The following ANGPTL2 variants were observed in gnomAD, a reference collection of about 807,000 sequenced individuals.
ANGPTL2 encodes angiopoietin like 2.
ANGPTL2 carries 25 observed loss-of-function variants against 52.8 expected under a neutral mutation model. The observed-to-expected ratio is 0.47, with a 90% CI of 0.35 to 0.66. The LOEUF is 0.66. Ranked by LOEUF, ANGPTL2 falls within the 30% of genes least tolerant of loss-of-function variation. ANGPTL2 has a pLI of 0.01. For synonymous variants in ANGPTL2, 276 were observed against 277.4 expected (o/e 1.00, Z 0.05); for missense variants, 546 against 656.9 (o/e 0.83, Z 1.84).
chr9:127,110,022 G>T (rs966898534), intron 1 of ANGPTL2, among the ~76,000 whole-genome samples: 52 of 152,200 alleles, frequency 3.4e-4, no homozygotes, highest in African/African-American at 1.2e-3. Flanking sequence ...TAATCATACG[G>T]TTTTTTCTCT....
chr9:127,098,477 C>T (rs892783074), intron 2 of ANGPTL2, among the ~76,000 whole-genome samples: 2 of 152,122 alleles, frequency 1.3e-5, no homozygotes, highest in African/African-American at 2.4e-5. Flanking sequence ...AATGCAGCCC[C>T]GTGGCTGAGC....
intron 2 of ANGPTL2, among the ~76,000 whole-genome samples, chr9:127,101,688 TG>T (rs2053745813): frequency 6.6e-6 from 1 of 152,198 alleles, no homozygotes; most frequent in Non-Finnish European, 1.5e-5. Flanking sequence ...CTGGACAGTT[TG>T]TAGTGGTCTC....
chr9:127,111,196 C>T (rs1053685934), intron 1 of ANGPTL2, among the ~76,000 whole-genome samples: 19 of 152,198 alleles, frequency 1.2e-4, no homozygotes, highest in African/African-American at 4.3e-4. Flanking sequence ...TTGCTGGTCC[C>T]TGCCCCCTTC....
chr9:127,090,371 C>T (rs1167161641), intron 4 of ANGPTL2, among the ~76,000 whole-genome samples: 1 of 152,266 alleles, frequency 6.6e-6, no homozygotes, highest in African/African-American at 2.4e-5. Context: ...TCCTTCTGCC[C>T]TGCTCTTCTA....
At chr9:127,111,968 A>T (rs2054859780) in intron 1 of ANGPTL2, among the ~76,000 whole-genome samples, 1 of 152,242 alleles carries the variant, frequency 6.6e-6, no homozygotes, top group Non-Finnish European at 1.5e-5. Flanking sequence ...ATGACACAGG[A>T]CCTAAAGATT....
chr9:127,095,432 A>G (rs959198183), intron 2 of ANGPTL2, among the ~76,000 whole-genome samples: 3 of 152,188 alleles, frequency 2.0e-5, no homozygotes, highest in Non-Finnish European at 2.9e-5. Flanking sequence ...AATCCCCACA[A>G]TGAGACTGGT....
chr9:127,120,741 T>A (rs900149603), intron 1 of ANGPTL2, among the ~76,000 whole-genome samples: 12 of 150,934 alleles, frequency 8.0e-5, no homozygotes, highest in African/African-American at 1.2e-4. Context: ...GGCAGGAGAA[T>A]GGCGTGAACC....
chr9:127,117,510 G>A (rs2055562671), intron 1 of ANGPTL2, among the ~76,000 whole-genome samples: 1 of 152,216 alleles, frequency 6.6e-6, no homozygotes, highest in African/African-American at 2.4e-5. Context: ...GGGGTCCACG[G>A]TAGTAGGTGA....
intron 1 of ANGPTL2, among the ~76,000 whole-genome samples, chr9:127,118,944 GA>G (rs2055748349): frequency 6.6e-6 from 1 of 152,240 alleles, no homozygotes. Context: ...CAGTGTGGGT[GA>G]TGAGGACCTG....
chr9:127,090,870 G>A (rs1020065953), intron 4 of ANGPTL2, among the ~76,000 whole-genome samples: 1 of 152,152 alleles, frequency 6.6e-6, no homozygotes, highest in Non-Finnish European at 1.5e-5. Context: ...TAACTGTGTG[G>A]GAGGCTGATA....
rs2053609051 is a variant in ANGPTL2 at position 127,100,484 on chromosome 9, G to T, written c.818-6558C>A. The stretch of plus-strand genomic sequence containing the variant: ...CTGTTGGGCAGGAGGAGAAACAGGG[G>T]CTTTAAAGACATTTTAAAAAAGAGT... On this transcript the variant is annotated intron_variant, in intron 2 of 4. Transcript: ENST00000373425. 2.0e-5 allele frequency among the ~76,000 whole-genome samples: 3 copies of T among 152,194 alleles called. No homozygotes were observed. In the South Asian group the frequency reaches 6.2e-4, roughly 31 times the overall value.
chr9:127,105,909 T>C (rs1361703225), intron 2 of ANGPTL2, among the ~76,000 whole-genome samples: 17 of 152,242 alleles, frequency 1.1e-4, no homozygotes. Flanking sequence ...CTTTACTACA[T>C]GACATAATGT....
chr9:127,121,471 A>C (rs2056077789), intron 1 of ANGPTL2, among the ~76,000 whole-genome samples: 1 of 152,248 alleles, frequency 6.6e-6, no homozygotes, highest in Non-Finnish European at 1.5e-5. Flanking sequence ...TTTCCAAGTA[A>C]CTGAACTGGC....
Position 127,108,234 on chromosome 9 carries a change from T to C in ANGPTL2, c.498A>G (p.Thr166=). 6.2e-7 allele frequency: 1 copy of C among 1,614,052 alleles called. No homozygotes were observed. Reference sequence around the variant, plus strand: ...TGCTGGCCAGCTGCAGCATGTCGGCTGTCTGGTTCAGGATCCTGTTCTCCA... The same window carrying C: ...TGCTGGCCAGCTGCAGCATGTCGGCCGTCTGGTTCAGGATCCTGTTCTCCA... ...SQLENRILNQ[T]ADMLQLASKY... is the part of the protein sequence containing the mutation. Residue 166 remains threonine, a synonymous_variant, in exon 2 of 5, where the codon ACA becomes ACG. Coordinates refer to ENST00000373425, the MANE Select transcript of ANGPTL2 (RefSeq NM_012098.3).
intron 1 of ANGPTL2, among the ~76,000 whole-genome samples, chr9:127,119,066 G>T (rs1447934448): frequency 6.6e-6 from 1 of 152,060 alleles, no homozygotes; most frequent in Admixed American, 6.5e-5. Context: ...CCCCCACTGA[G>T]CTGGGGACAG....
chr9:127,108,572 A>G lies in ANGPTL2; in HGVS notation c.160T>C (p.Cys54Arg). 6.2e-7 allele frequency: 1 copy of G among 1,613,500 alleles called. No individual in the cohort carries two copies. The highest frequency in any genetic ancestry group is 8.5e-7 in the Non-Finnish European group (1 of 1,179,852). ...TGGGGCACAATGAAGGTGTAGGTGCACTTGTCCTGGGACTCGCCCGCCCGC... is the reference window on the plus strand; with the variant it reads ...TGGGGCACAATGAAGGTGTAGGTGCGCTTGTCCTGGGACTCGCCCGCCCGC... Reference protein sequence around the residue: ...YKRAGESQDKCTYTFIVPQQR... With the variant: ...YKRAGESQDKRTYTFIVPQQR... The change falls in exon 2 of 5, where the codon TGC becomes CGC. Residue 54 changes from cysteine (C) to arginine (R), a missense_variant. Cys to Arg is a radical substitution (Grantham distance 180). This residue lies in a region of ANGPTL2 where 285 missense variants were observed against 295.8 expected (regional missense o/e 0.96). Coordinates refer to ENST00000373425, the MANE Select transcript of ANGPTL2 (RefSeq NM_012098.3).
rs771907086 is a variant in ANGPTL2, at chr9:127,089,060, C to T, written c.1361G>A (p.Arg454His). The part of the protein sequence containing the change: ...AHSNLNGVWY[R>H]GGHYRSRYQD... ...GTAGCGGCTCCGGTAATGGCCCCCG[C>T]GGTACCAGACCCCGTTGAGGTTGGA... The change falls in exon 5 of 5, where the codon CGC (arginine) becomes CAC (histidine). Residue 454 changes from arginine (R) to histidine (H), a missense_variant. Around this residue, in one of 2 missense-constraint regions of ANGPTL2, gnomAD observed 261 missense variants for 361.0 expected, o/e 0.72. Transcript: ENST00000373425. 32 of 1,614,066 alleles carry T rather than the reference C, an allele frequency of 2.0e-5. No individual in the cohort carries two copies. Among genetic ancestry groups the T allele is most frequent in the East Asian group, 4.5e-5 (2 of 44,898 alleles).
chr9:127,113,942 A>T (rs116782593), intron 1 of ANGPTL2, among the ~76,000 whole-genome samples: 1 of 152,232 alleles, frequency 6.6e-6, no homozygotes, highest in African/African-American at 2.4e-5. Flanking sequence ...TTTTCATCAG[A>T]TGGAGCTGTG....
At position 127,108,860 on chromosome 9, in the gene ANGPTL2, C is replaced by T. The variant is rs12684750; in HGVS notation, c.-49-80G>A. ...GTGCCATCAGTGATCCCAGCCTTCT[C>T]GCCAGGCAGGCAGAGCTTTCCAAAA... On this transcript the variant is annotated intron_variant, in intron 1 of 4. Coordinates refer to ENST00000373425, the MANE Select transcript of ANGPTL2 (RefSeq NM_012098.3). The T allele has an allele frequency of 3.4e-4, 358 of 1,056,692 alleles. 2 individuals are homozygous for T. In the East Asian group the frequency reaches 9.0e-3, roughly 27 times the overall value. The allele number at this position is 1,056,692 out of a possible 1,614,324, so 65.5% of individuals were successfully genotyped here.
Sources: gnomAD v4.1 joint callset for allele counts (sites outside exome capture counted in the v4.1 genomes callset) on GRCh38, gnomAD v4.1.1 for gene constraint, gnomAD v4.1.1 regional missense constraint, MANE v1.5 for transcripts, NCBI Gene and HGNC (gene_info 2026-07-23, HGNC 2026-07-21) for gene names.